The following GRIN2B variants were observed in gnomAD, a reference collection of about 807,000 sequenced individuals.
GRIN2B encodes glutamate receptor ionotropic, NMDA 2B.
GRIN2B carries 5 observed loss-of-function variants against 114.5 expected under a neutral mutation model. That is an observed-to-expected ratio of 0.04 (90% CI 0.02 to 0.09). The LOEUF is 0.09. Among genes scored for constraint, GRIN2B ranks in the 10% least tolerant of loss-of-function variants. The pLI is 1.00. For missense variants in GRIN2B, 1,108 were observed against 1,943.5 expected (o/e 0.57, Z 8.08); for synonymous variants, 787 against 745.1 (o/e 1.06, Z -0.92).
intron 5 of GRIN2B, among the ~76,000 whole-genome samples, chr12:13,665,164 TGTTTGTG>T (rs1163650004): frequency 4.8e-4 from 12 of 25,078 alleles, no homozygotes; most frequent in Admixed American, 2.2e-3. Context: ...TGTGTGTGTG[TGTTTGTG>T]TGTGTGTGTG....
chr12:13,615,625 G>A lies in GRIN2B; in HGVS notation c.1368C>T (p.Cys456=). 6.2e-7 allele frequency: 1 copy of A among 1,612,894 alleles called. No homozygotes were observed. Among genetic ancestry groups the A allele is most frequent in the Non-Finnish European group, 8.5e-7 (1 of 1,178,928 alleles). ...GGATGTCAATACAGAACCCCTTGCA[G>A]CATTTTTTGATGTAACCCGGCTCCT... ...TDEEPGYIKK[C]CKGFCIDILK... The change falls in exon 7 of 14, where the codon TGC becomes TGT. Residue 456 remains cysteine (C), a synonymous_variant. Coordinates refer to ENST00000609686, the MANE Select transcript of GRIN2B (RefSeq NM_000834.5). The surrounding 1 kb of genome is among the most constrained non-coding windows in gnomAD (Gnocchi z 5.8).
chr12:13,962,089 T>TACACACACACACACAC (rs143658576), intron 2 of GRIN2B, among the ~76,000 whole-genome samples: 10,289 of 145,164 alleles, frequency 0.071, 526 homozygotes, highest in Non-Finnish European at 0.1. Flanking sequence ...CTCTCATACA[T>TACACACACACACACAC]ACACACACAC....
At chr12:13,921,684 G>A (rs1440421437) in intron 2 of GRIN2B, among the ~76,000 whole-genome samples, 8 of 152,134 alleles carry the variant, frequency 5.3e-5, no homozygotes, top group African/African-American at 1.9e-4. Flanking sequence ...TGAACAGCAA[G>A]TCAGGTTCAA....
chr12:13,651,166 C>T (rs1478297779), intron 5 of GRIN2B, among the ~76,000 whole-genome samples: 1 of 152,036 alleles, frequency 6.6e-6, no homozygotes, highest in Non-Finnish European at 1.5e-5. Flanking sequence ...AAGCCAAGGC[C>T]TAAGATGTTT....
rs552944101 is a variant in GRIN2B, at chr12:13,708,380, C to T, written c.1011-32521G>A. Reference sequence around the variant, plus strand: ...AAAGTCACCAGTGAGGCCACTCTAACGTCAAAGCCTATGTATGAACTCCCT... The same window carrying T: ...AAAGTCACCAGTGAGGCCACTCTAATGTCAAAGCCTATGTATGAACTCCCT... On this transcript the variant is annotated intron_variant, in intron 4 of 13. Transcript: ENST00000609686. Among the ~76,000 whole-genome samples the T allele has an allele frequency of 7.9e-5, 12 of 152,132 alleles. No individual in the cohort carries two copies. The South Asian group carries it at 1.5e-3, about 18-fold the overall frequency.
rs185756689 is a variant in GRIN2B at position 13,711,388 on chromosome 12, C to T, written c.1011-35529G>A. Among the ~76,000 whole-genome samples the T allele has an allele frequency of 3.7e-4, 56 of 152,116 alleles. No individual in the cohort carries two copies. The East Asian group carries it at 8.5e-3, about 23-fold the overall frequency. On this transcript the variant is annotated intron_variant, in intron 4 of 13. Coordinates refer to ENST00000609686, the MANE Select transcript of GRIN2B (RefSeq NM_000834.5). The stretch of plus-strand genomic sequence containing the variant: ...CCAAAATTGAGCAATGGGATCTAAT[C>T]AAACTAAAGAGCTTCTGCACAGCAA...
intron 3 of GRIN2B, among the ~76,000 whole-genome samples, chr12:13,834,244 A>G (rs1865212054): frequency 7.2e-6 from 1 of 138,526 alleles, no homozygotes; most frequent in African/African-American, 2.7e-5. Flanking sequence ...TCACCGTGTT[A>G]GCCACAATGG....
At chr12:13,634,163 T>A (rs1367493379) in intron 5 of GRIN2B, 1 of 152,152 alleles carries the variant, frequency 6.6e-6, no homozygotes, top group Non-Finnish European at 1.5e-5. Context: ...ATTTACTAAT[T>A]ATGTGTCCTG....
At chr12:13,837,429 G>T (rs1255903667) in intron 3 of GRIN2B, among the ~76,000 whole-genome samples, 2 of 152,186 alleles carry the variant, frequency 1.3e-5, no homozygotes, top group Non-Finnish European at 2.9e-5. Flanking sequence ...AAATATCTGT[G>T]GGGGAGGGAG....
At chr12:13,716,010 A>C (rs1950452279) in intron 4 of GRIN2B, among the ~76,000 whole-genome samples, 1 of 151,928 alleles carries the variant, frequency 6.6e-6, no homozygotes, top group African/African-American at 2.4e-5. Context: ...TCATGATCTA[A>C]GTCCAAAAAT....
At chr12:13,797,156 A>C (rs1864430748) in intron 3 of GRIN2B, among the ~76,000 whole-genome samples, 1 of 152,202 alleles carries the variant, frequency 6.6e-6, no homozygotes, top group Non-Finnish European at 1.5e-5. Flanking sequence ...CAAGATCAAA[A>C]TACTAGCAGA....
At chr12:13,576,677 C>T (rs1948782029) in intron 10 of GRIN2B, among the ~76,000 whole-genome samples, 1 of 152,060 alleles carries the variant, frequency 6.6e-6, no homozygotes, top group East Asian at 1.9e-4. Flanking sequence ...TTCAGCCTCC[C>T]AGGTAACTGA....
At chr12:13,641,914 G>A (rs543204713) in intron 5 of GRIN2B, among the ~76,000 whole-genome samples, 17 of 152,096 alleles carry the variant, frequency 1.1e-4, no homozygotes, top group Middle Eastern at 6.8e-3. Context: ...AAGGTCAGGC[G>A]TGATGGCTCA....
At chr12:13,940,541 C>T (rs1867224920) in intron 2 of GRIN2B, among the ~76,000 whole-genome samples, 1 of 151,940 alleles carries the variant, frequency 6.6e-6, no homozygotes. Context: ...GAGGGTAATA[C>T]AAGGGGTGTA....
In GRIN2B at chr12:13,846,808, A is replaced by C. The variant is rs76395542; in HGVS notation, c.411+18990T>G. Among the ~76,000 whole-genome samples, 639 of 152,308 alleles carry C rather than the reference A, an allele frequency of 4.2e-3. 2 individuals are homozygous for C. The highest frequency in any genetic ancestry group is 0.014 in the African/African-American group (591 of 41,572). On this transcript the variant is annotated intron_variant, in intron 3 of 13. Transcript: ENST00000609686. Reference sequence around the variant, plus strand: ...GAGAGTGAAAATAAGGAAATGGTTAAGAGTCGGGAAAATGGAAAGAGAAGC... The same window carrying C: ...GAGAGTGAAAATAAGGAAATGGTTACGAGTCGGGAAAATGGAAAGAGAAGC...
At chr12:13,805,719 T>C (rs1864588987) in intron 3 of GRIN2B, among the ~76,000 whole-genome samples, 1 of 152,186 alleles carries the variant, frequency 6.6e-6, no homozygotes, top group South Asian at 2.1e-4. Flanking sequence ...TTACCACACA[T>C]ACTTATCATT....
chr12:13,922,307 G>A (rs142027797), intron 2 of GRIN2B, among the ~76,000 whole-genome samples: 2 of 152,092 alleles, frequency 1.3e-5, no homozygotes, highest in African/African-American at 2.4e-5. Flanking sequence ...GGGTGCCCTG[G>A]GTGTCTGAGC....
chr12:13,783,926 TA>T (rs952586477), intron 3 of GRIN2B, among the ~76,000 whole-genome samples: 1 of 151,746 alleles, frequency 6.6e-6, no homozygotes, highest in African/African-American at 2.4e-5. Flanking sequence ...GTATACCTAA[TA>T]AAAAAACATA....
chr12:13,615,078 C>T lies in GRIN2B; in HGVS notation c.1654+36G>A, dbSNP rs562716391. On this transcript the variant is annotated intron_variant, in intron 8 of 13. Transcript: ENST00000609686. This position sits in a 1 kb window ranked among gnomAD's most constrained non-coding sequence, Gnocchi z 5.8. Reference sequence around the variant, plus strand: ...TCCTTATTTCACTTCCCCATCCATACGTCCATTTCCTTCCACCAGCAAACC... The same window carrying T: ...TCCTTATTTCACTTCCCCATCCATATGTCCATTTCCTTCCACCAGCAAACC... The T allele has an allele frequency of 4.7e-5, 74 of 1,575,030 alleles. No homozygotes were observed. In the South Asian group the frequency reaches 6.3e-4, roughly 13 times the overall value.
Sources: gnomAD v4.1 joint callset for allele counts (sites outside exome capture counted in the v4.1 genomes callset) on GRCh38, gnomAD v4.1.1 for gene constraint, Gnocchi (gnomAD v3.1) non-coding constraint, MANE v1.5 for transcripts, NCBI Gene and HGNC (gene_info 2026-07-23, HGNC 2026-07-21) for gene names.